The following NPAS3 variants were observed in gnomAD, a reference collection of about 807,000 sequenced individuals.
The protein encoded by NPAS3 is neuronal PAS domain-containing protein 3.
Under a neutral mutation model 73.1 loss-of-function variants are expected in NPAS3, and 14 were observed. The observed-to-expected ratio is 0.19, with a 90% CI of 0.13 to 0.30. The LOEUF is 0.30. Ranked by LOEUF, NPAS3 falls within the 10% of genes least tolerant of loss-of-function variation. NPAS3 has a pLI of 1.00. For missense variants in NPAS3, 1,096 were observed against 1,250.0 expected (o/e 0.88, Z 1.86); for synonymous variants, 620 against 541.5 (o/e 1.14, Z -2.01).
intron 3 of NPAS3, among the ~76,000 whole-genome samples, chr14:33,347,633 A>T (rs568631264): frequency 6.6e-5 from 10 of 152,268 alleles, no homozygotes; most frequent in African/African-American, 2.4e-4. Flanking sequence ...ATCCATGGGG[A>T]ATTGGTTCCA....
chr14:33,784,729 A>ATTTTTTTTTTTTTTTTTTTTTT (rs1342325354), intron 9 of NPAS3, among the ~76,000 whole-genome samples: 1 of 90,206 alleles, frequency 1.1e-5, no homozygotes, highest in African/African-American at 5.6e-5. Context: ...ATTTTTATTT[A>ATTTTTTTTTTTTTTTTTTTTTT]TTTATTTATT....
intron 1 of NPAS3, among the ~76,000 whole-genome samples, chr14:32,971,528 G>C (rs1164828094): frequency 6.6e-6 from 1 of 152,118 alleles, no homozygotes; most frequent in East Asian, 1.9e-4. Context: ...TCAATTCCCT[G>C]AGACAACCTT....
chr14:33,152,315 C>T (rs902301646), intron 2 of NPAS3, among the ~76,000 whole-genome samples: 1 of 152,126 alleles, frequency 6.6e-6, no homozygotes, highest in Non-Finnish European at 1.5e-5. Flanking sequence ...AGCATCATTA[C>T]TTCTCCTCTT....
rs2051271155 is a variant in NPAS3, at chr14:33,480,550, T to TCCC, written c.469-79571_469-79570insCCC. Among the ~76,000 whole-genome samples the TCCC allele has an allele frequency of 3.2e-4, 5 of 15,834 alleles. No individual in the cohort carries two copies. The African/African-American group carries it at 3.6e-3, about 12-fold the overall frequency. The allele number at this position is 15,834 out of a possible 152,430, so 10.4% of individuals were successfully genotyped here. On this transcript the variant is annotated intron_variant, in intron 4 of 11. Transcript: ENST00000356141. Reference sequence around the variant, plus strand: ...CCCCCTCCCCGCCCCGCCCCCACCCTTCCTCCCTCCCTCCCTCCCTCCCTC... The same window carrying TCCC: ...CCCCCTCCCCGCCCCGCCCCCACCCTCCCTCCTCCCTCCCTCCCTCCCTCCCTC...
At chr14:33,272,975 CT>C (rs2041163426) in intron 3 of NPAS3, among the ~76,000 whole-genome samples, 1 of 152,190 alleles carries the variant, frequency 6.6e-6, no homozygotes, top group South Asian at 2.1e-4. Context: ...TTCCAATTTA[CT>C]TCCCACTTTC....
At chr14:33,701,917 C>T (rs1293685411) in intron 6 of NPAS3, among the ~76,000 whole-genome samples, 1 of 152,076 alleles carries the variant, frequency 6.6e-6, no homozygotes, top group Non-Finnish European at 1.5e-5. Context: ...TGGTATCTGC[C>T]CTCAGGGATC....
chr14:32,935,992 CAT>C (rs1489296485), upstream of NPAS3, among the ~76,000 whole-genome samples: 2 of 152,228 alleles, frequency 1.3e-5, no homozygotes, highest in African/African-American at 4.8e-5. Flanking sequence ...CCAGATTGCA[CAT>C]GATTAAACAT....
At chr14:33,646,888 A>G (rs1273816623) in intron 5 of NPAS3, among the ~76,000 whole-genome samples, 1 of 152,048 alleles carries the variant, frequency 6.6e-6, no homozygotes, top group African/African-American at 2.4e-5. Context: ...ACTCCCCCAG[A>G]GGTATAGAGT....
intron 7 of NPAS3, among the ~76,000 whole-genome samples, chr14:33,771,243 T>A (rs962098342): frequency 6.6e-6 from 1 of 152,082 alleles, no homozygotes; most frequent in African/African-American, 2.4e-5. Flanking sequence ...TGGAAAAAAA[T>A]ATGTTAATTT....
intron 3 of NPAS3, among the ~76,000 whole-genome samples, chr14:33,361,815 A>G (rs2045616619): frequency 6.6e-6 from 1 of 152,218 alleles, no homozygotes; most frequent in Admixed American, 6.5e-5. Flanking sequence ...CCCAAAGTGT[A>G]CTACTCCTGA....
At chr14:33,291,161 T>C (rs550355973) in intron 3 of NPAS3, among the ~76,000 whole-genome samples, 4 of 152,272 alleles carry the variant, frequency 2.6e-5, no homozygotes, top group Non-Finnish European at 5.9e-5. Context: ...CACAACCCCA[T>C]GCTTAATTTA....
chr14:33,459,950 T>A (rs1256580813), intron 4 of NPAS3, among the ~76,000 whole-genome samples: 1 of 152,218 alleles, frequency 6.6e-6, no homozygotes, highest in African/African-American at 2.4e-5. Context: ...CCCAGCATGG[T>A]GCTTGGCACA....
chr14:33,113,157 T>C (rs1258067241), intron 2 of NPAS3, among the ~76,000 whole-genome samples: 1 of 152,130 alleles, frequency 6.6e-6, no homozygotes, highest in East Asian at 1.9e-4. Context: ...CAGGCTCTTT[T>C]TTGGTTCCAT....
chr14:33,797,667 A>G, intron 11 of NPAS3, 86 bp downstream of exon 11: 1 of 1,362,948 alleles, frequency 7.3e-7, no homozygotes, highest in African/African-American at 1.4e-5. Context: ...CCATCATCAG[A>G]GGCAAAGCAA....
chr14:33,639,177 A>G lies in NPAS3; in HGVS notation c.559-37034A>G, dbSNP rs4625632. Among the ~76,000 whole-genome samples, 1,152 of 152,320 alleles carry G rather than the reference A, an allele frequency of 7.6e-3. 12 individuals carry two copies. The highest frequency in any genetic ancestry group is 0.026 in the African/African-American group (1,090 of 41,568). ...TAACTATTACCACTCTAGGTTTAAG[A>G]TAGACCGTTTAAGCCCCTCTGTAGC... is the stretch of plus-strand genomic sequence containing the variant. On this transcript the variant is annotated intron_variant, in intron 5 of 11. Transcript: ENST00000356141.
chr14:33,733,370 A>C lies in NPAS3; in HGVS notation c.734-1844A>C, dbSNP rs181338647. The stretch of plus-strand genomic sequence containing the variant: ...CTCTCGGCATCCCTTACGAGAAAAA[A>C]TTGGTTCTAAGGGTCTCTGATCTTG... On this transcript the variant is annotated intron_variant, in intron 6 of 11. Transcript: ENST00000356141. 3.3e-5 allele frequency among the ~76,000 whole-genome samples: 5 copies of C among 152,152 alleles called. No individual in the cohort carries two copies. The East Asian group carries it at 9.7e-4, about 29-fold the overall frequency.
chr14:33,519,417 C>T (rs1403971164), intron 4 of NPAS3, among the ~76,000 whole-genome samples: 1 of 152,076 alleles, frequency 6.6e-6, no homozygotes, highest in Non-Finnish European at 1.5e-5. Context: ...TGCCTGCCTT[C>T]CAGAGATCTA....
chr14:33,379,892 A>G (rs1057177848), intron 4 of NPAS3, among the ~76,000 whole-genome samples: 1 of 152,046 alleles, frequency 6.6e-6, no homozygotes, highest in African/African-American at 2.4e-5. Flanking sequence ...TTCAACAATT[A>G]TATTATAATG....
At chr14:33,329,722 T>C (rs1230232757) in intron 3 of NPAS3, among the ~76,000 whole-genome samples, 1 of 152,060 alleles carries the variant, frequency 6.6e-6, no homozygotes, top group African/African-American at 2.4e-5. Flanking sequence ...CTAAGTACGA[T>C]GGAGAAGCCC....
Sources: allele counts gnomAD v4.1 joint callset (sites outside exome capture counted in the v4.1 genomes callset), GRCh38; gene constraint gnomAD v4.1.1; transcripts MANE v1.5; gene names NCBI Gene and HGNC (gene_info 2026-07-23, HGNC 2026-07-21).